DLGAP1: variants seen among roughly 807,000 people sequenced by gnomAD.
DLGAP1 encodes the protein disks large-associated protein 1.
In DLGAP1, 11 loss-of-function variants were observed where a neutral mutation model predicts 90.8. The ratio of observed to expected loss-of-function variants is 0.12; its 90% confidence interval spans 0.08 to 0.20. DLGAP1 has a LOEUF of 0.20. DLGAP1 is among the 10% of genes least tolerant of loss of function. The probability of loss-of-function intolerance (pLI) is 1.00; values close to 1 mark genes in which losing one functional copy is unlikely to be tolerated. For synonymous variants in DLGAP1, 558 were observed against 540.7 expected, an observed-to-expected ratio of 1.03 and a Z score of -0.44; for missense variants, 1,050 against 1,333.8, an observed-to-expected ratio of 0.79 and a Z score of 3.31.
At chr18:4,347,490 AAAT>A in intron 1 of DLGAP1, among the ~76,000 whole-genome samples, 1 of 152,210 alleles carries the variant, frequency 6.6e-6, no homozygotes, top group South Asian at 2.1e-4. Context: ...CATATTAAGA[AAAT>A]AATGAATACA....
At chr18:4,149,128 G>A (rs910122417) in intron 2 of DLGAP1, among the ~76,000 whole-genome samples, 3 of 152,112 alleles carry the variant, frequency 2.0e-5, no homozygotes, top group African/African-American at 7.2e-5. Flanking sequence ...AATATAAAGC[G>A]AGTAACAAAT....
At chr18:4,216,573 T>A (rs1195700419) in intron 1 of DLGAP1, among the ~76,000 whole-genome samples, 1 of 152,130 alleles carries the variant, frequency 6.6e-6, no homozygotes, top group African/African-American at 2.4e-5. Flanking sequence ...CCTAGCTTAA[T>A]GCAACAATGA....
chr18:3,822,199 T>C (rs2067460904), intron 4 of DLGAP1, among the ~76,000 whole-genome samples: 1 of 152,204 alleles, frequency 6.6e-6, no homozygotes, highest in Admixed American at 6.5e-5. Flanking sequence ...TTGCTTAAAA[T>C]TACCTTTTAA....
intron 4 of DLGAP1, among the ~76,000 whole-genome samples, chr18:3,818,749 C>T (rs532037286): frequency 5.3e-5 from 8 of 151,808 alleles, no homozygotes; most frequent in African/African-American, 1.9e-4. Context: ...ATGCCCGCCA[C>T]CATGCCTGGC....
At chr18:3,977,739 G>A (rs2073626123) in intron 3 of DLGAP1, 2 of 339,632 alleles carry the variant, frequency 5.9e-6, no homozygotes, top group African/African-American at 2.2e-5. Context: ...CAAAGTGGTT[G>A]TTGAGGGCAA....
chr18:4,227,625 G>T (rs774681730), intron 1 of DLGAP1, among the ~76,000 whole-genome samples: 3 of 151,656 alleles, frequency 2.0e-5, no homozygotes, highest in Non-Finnish European at 4.4e-5. Flanking sequence ...AATTAAGAGT[G>T]CAATTAAAAA....
intron 9 of DLGAP1, among the ~76,000 whole-genome samples, chr18:3,551,440 G>A (rs2144807656): frequency 6.6e-6 from 1 of 151,688 alleles, no homozygotes; most frequent in East Asian, 2.0e-4. Flanking sequence ...GTAGAGACAA[G>A]GTTTCACCAT....
chr18:3,839,784 T>C (rs1008436197), intron 4 of DLGAP1, among the ~76,000 whole-genome samples: 5 of 152,226 alleles, frequency 3.3e-5, no homozygotes, highest in Non-Finnish European at 1.5e-5. Context: ...CAGCTCCTTT[T>C]GTTTCTGGGA....
chr18:3,677,125 A>G (rs2060333544), intron 7 of DLGAP1, among the ~76,000 whole-genome samples: 1 of 152,154 alleles, frequency 6.6e-6, no homozygotes, highest in Non-Finnish European at 1.5e-5. Context: ...ATTCATGTTT[A>G]TGGTCTCACA....
chr18:3,963,210 T>C lies in DLGAP1; in HGVS notation c.-73+41906A>G, dbSNP rs79906254. On this transcript the variant is annotated intron_variant, in intron 3 of 12. Coordinates refer to ENST00000315677, the MANE Select transcript of DLGAP1 (RefSeq NM_004746.4). ...TCTTGTTACAGTCCTCACTTCAGAA[T>C]ACCCACTTGGAGGCTTCACCTGAAG... Among the ~76,000 whole-genome samples, 236 of 152,252 alleles carry C rather than the reference T, an allele frequency of 1.6e-3. 1 individual carries two copies. The highest frequency in any genetic ancestry group is 5.5e-3 in the African/African-American group (229 of 41,566).
intron 1 of DLGAP1, among the ~76,000 whole-genome samples, chr18:4,182,977 T>C (rs976718494): frequency 2.0e-5 from 3 of 152,144 alleles, no homozygotes; most frequent in African/African-American, 4.8e-5. Flanking sequence ...AGGGTAATCA[T>C]AGCTGGGCTC....
At chr18:3,515,997 A>T (rs974990664) in intron 10 of DLGAP1, among the ~76,000 whole-genome samples, 1 of 152,032 alleles carries the variant, frequency 6.6e-6, no homozygotes, top group African/African-American at 2.4e-5. Context: ...AATTATAGCA[A>T]TTCAGTCACA....
At chr18:3,928,029 AC>A (rs2148923757) in intron 3 of DLGAP1, among the ~76,000 whole-genome samples, 1 of 152,226 alleles carries the variant, frequency 6.6e-6, no homozygotes, top group African/African-American at 2.4e-5. Flanking sequence ...TAAATGGCTC[AC>A]CCCACCATTT....
chr18:4,333,074 C>T (rs1305037796), intron 1 of DLGAP1, among the ~76,000 whole-genome samples: 1 of 151,884 alleles, frequency 6.6e-6, no homozygotes, highest in Admixed American at 6.6e-5. Flanking sequence ...AATCAGTTAA[C>T]CATTGATGTT....
chr18:4,306,980 G>A lies in DLGAP1; in HGVS notation c.-267+148026C>T, dbSNP rs1481048503. Among the ~76,000 whole-genome samples, 5 of 152,052 alleles carry A rather than the reference G, an allele frequency of 3.3e-5. 1 individual carries two copies. Among genetic ancestry groups the A allele is most frequent in the Admixed American group, 6.5e-5 (1 of 15,272 alleles). Reference sequence around the variant, plus strand: ...TAGCACGTTAATTTTAACTTTAAAAGGCATACAATTTGATTTCATAATTGA... The same window carrying A: ...TAGCACGTTAATTTTAACTTTAAAAAGCATACAATTTGATTTCATAATTGA... On this transcript the variant is annotated intron_variant, in intron 1 of 12. Coordinates refer to ENST00000315677, the MANE Select transcript of DLGAP1 (RefSeq NM_004746.4).
At chr18:4,186,857 G>C (rs2144700436) in intron 1 of DLGAP1, among the ~76,000 whole-genome samples, 1 of 152,246 alleles carries the variant, frequency 6.6e-6, no homozygotes, top group African/African-American at 2.4e-5. Flanking sequence ...GCTTTGGTCA[G>C]TATGGCCATT....
Position 4,203,912 on chromosome 18 carries a change from A to G in DLGAP1, c.-266-52625T>C, listed in dbSNP as rs528196237. 1.6e-4 allele frequency among the ~76,000 whole-genome samples: 25 copies of G among 152,320 alleles called. No homozygotes were observed. In the South Asian group the frequency reaches 4.8e-3, roughly 29 times the overall value. On this transcript the variant is annotated intron_variant, in intron 1 of 12. Coordinates refer to ENST00000315677, the MANE Select transcript of DLGAP1 (RefSeq NM_004746.4). ...CCCGAGGAGGTCAGAAAGAACTCAG[A>G]AGAGGAGGCACTGAATTAATGCTTC...
intron 5 of DLGAP1, among the ~76,000 whole-genome samples, chr18:3,800,875 G>C (rs2066257255): frequency 6.6e-6 from 1 of 152,096 alleles, no homozygotes; most frequent in South Asian, 2.1e-4. Flanking sequence ...TGTGGTATTA[G>C]GCTGTTTTTG....
chr18:3,717,960 C>A (rs1421684515), intron 7 of DLGAP1, among the ~76,000 whole-genome samples: 1 of 152,122 alleles, frequency 6.6e-6, no homozygotes, highest in African/African-American at 2.4e-5. Context: ...GTGCTTGCAT[C>A]CTATTTATTT....
Sources: allele counts gnomAD v4.1 joint callset (sites outside exome capture counted in the v4.1 genomes callset), GRCh38; gene constraint gnomAD v4.1.1; transcripts MANE v1.5; gene names NCBI Gene and HGNC (gene_info 2026-07-23, HGNC 2026-07-21).